CAMK4: variants seen among roughly 807,000 people sequenced by gnomAD.
The protein encoded by CAMK4 is calcium/calmodulin-dependent protein kinase type IV.
In CAMK4, 22 loss-of-function variants were observed where a neutral mutation model predicts 44.9. That is an observed-to-expected ratio of 0.49 (90% CI 0.35 to 0.70). The LOEUF is 0.70. Among genes scored for constraint, CAMK4 ranks in the 30% least tolerant of loss-of-function variants. CAMK4 has a pLI of 0.01. For synonymous variants in CAMK4, 218 were observed against 215.4 expected (o/e 1.01, Z -0.11); for missense variants, 498 against 586.8 (o/e 0.85, Z 1.56).
In CAMK4 at chr5:111,485,570, A is replaced by T. The variant is rs1377697994; in HGVS notation, c.*1104A>T. The T allele has an allele frequency of 6.6e-6, 1 of 152,182 alleles. No individual in the cohort carries two copies. 9.4% of individuals were successfully genotyped at this position (152,182 alleles called of 1,614,324 possible). On this transcript the variant is annotated 3_prime_UTR_variant, in exon 11 of 11. Transcript: ENST00000282356. ...ATGGTTATCTACACATATCACTTAT[A>T]AACTAAAGTTATTTATGAAAAGCTA...
At chr5:111,267,532 G>A (rs1561373650) in intron 1 of CAMK4, among the ~76,000 whole-genome samples, 1 of 151,678 alleles carries the variant, frequency 6.6e-6, no homozygotes, top group Non-Finnish European at 1.5e-5. Flanking sequence ...GTGAAACCCC[G>A]TCTCTACTAA....
Position 111,446,760 on chromosome 5 carries a change from T to G in CAMK4, c.534T>G (p.Asp178Glu), listed in dbSNP as rs745528963. 1.9e-6 allele frequency: 3 copies of G among 1,604,710 alleles called. No individual in the cohort carries two copies. Among genetic ancestry groups the G allele is most frequent in the South Asian group, 2.2e-5 (2 of 90,876 alleles). The stretch of plus-strand genomic sequence containing the variant: ...TTCTTTATGCAACTCCAGCCCCAGA[T>G]GCACCACTCAAAATCGGTGAGAACA... ...ENLLYATPAP[D>E]APLKIADFGL... Residue 178 changes from aspartate (D) to glutamate (E), a missense_variant, in exon 6 of 11, where the codon GAT becomes GAG. Coordinates refer to ENST00000282356, the MANE Select transcript of CAMK4 (RefSeq NM_001744.6).
chr5:111,482,716 T>C lies in CAMK4; in HGVS notation c.829-69T>C. 7.7e-7 allele frequency: 1 copy of C among 1,293,622 alleles called. No homozygotes were observed. The highest frequency in any genetic ancestry group is 1.1e-6 in the Non-Finnish European group (1 of 929,158). The allele number at this position is 1,293,622 out of a possible 1,614,324, so 80.1% of individuals were successfully genotyped here. ...GGGAAATGGAATAAGATCTGGAAGT[T>C]TGTAAGCTGAGGGCAAGCCCAGGTC... On this transcript the variant is annotated intron_variant, in intron 9 of 10. Coordinates refer to ENST00000282356, the MANE Select transcript of CAMK4 (RefSeq NM_001744.6). This position sits in a 1 kb window ranked among gnomAD's most constrained non-coding sequence, Gnocchi z 4.9.
At chr5:111,454,761 G>A (rs970477270) in intron 7 of CAMK4, among the ~76,000 whole-genome samples, 1 of 151,902 alleles carries the variant, frequency 6.6e-6, no homozygotes, top group Non-Finnish European at 1.5e-5. Context: ...GATATTTAAG[G>A]CTTGAAGTTT....
Position 111,224,435 on chromosome 5 carries a change from G to C in CAMK4, c.-49G>C, listed in dbSNP as rs1483266001. ...GCGGCTGGCGGCCGGCTTCTCGCTC[G>C]GGCAGCGGCGGCGGCGGCGGCGGCG... On this transcript the variant is annotated 5_prime_UTR_variant, in exon 1 of 11. Transcript: ENST00000282356. The surrounding 1 kb of genome is among the most constrained non-coding windows in gnomAD (Gnocchi z 5.7). 27 of 1,534,378 alleles carry C rather than the reference G, an allele frequency of 1.8e-5. No individual in the cohort carries two copies. The highest frequency in any genetic ancestry group is 6.0e-5 in the Admixed American group (3 of 49,874).
chr5:111,310,591 A>C (rs1350841299), intron 1 of CAMK4, among the ~76,000 whole-genome samples: 1 of 152,138 alleles, frequency 6.6e-6, no homozygotes, highest in Non-Finnish European at 1.5e-5. Context: ...TATATATGTA[A>C]ATACTAAGCC....
chr5:111,422,844 C>G (rs1168174557), intron 5 of CAMK4, among the ~76,000 whole-genome samples: 2 of 152,078 alleles, frequency 1.3e-5, no homozygotes, highest in African/African-American at 4.8e-5. Context: ...GCATTTTATG[C>G]TCAGTTTGTA....
At chr5:111,282,056 C>CAAAAAAA (rs58617977) in intron 1 of CAMK4, among the ~76,000 whole-genome samples, 3 of 112,492 alleles carry the variant, frequency 2.7e-5, no homozygotes, top group African/African-American at 6.3e-5. Context: ...GACTCCGTCT[C>CAAAAAAA]AAAAAAAAAA....
rs116146889 is a variant in CAMK4, at chr5:111,444,927, C to A, written c.460-1759C>A. On this transcript the variant is annotated intron_variant, in intron 5 of 10. Coordinates refer to ENST00000282356, the MANE Select transcript of CAMK4 (RefSeq NM_001744.6). ...AAACTTAAGACACAATCTTTGCACT[C>A]CAGCTCAGCAAAAGTTAAAACTACA... Among the ~76,000 whole-genome samples the A allele has an allele frequency of 1.3e-3, 202 of 152,194 alleles. 1 individual carries two copies. The highest frequency in any genetic ancestry group is 4.7e-3 in the African/African-American group (194 of 41,520).
At chr5:111,310,513 T>TA (rs994423880) in intron 1 of CAMK4, among the ~76,000 whole-genome samples, 4 of 152,146 alleles carry the variant, frequency 2.6e-5, no homozygotes, top group African/African-American at 9.7e-5. Context: ...TGAAAGGTTT[T>TA]AAAAAGAAGA....
In CAMK4 at chr5:111,301,839, T is replaced by C. The variant is rs1747731052; in HGVS notation, c.162-42185T>C. On this transcript the variant is annotated intron_variant, in intron 1 of 10. Coordinates refer to ENST00000282356, the MANE Select transcript of CAMK4 (RefSeq NM_001744.6). ...AACTAAAGTATAAGCCATTGTAGTTTTTTTGCATACTTACTCTTCGGTCAT... is the reference window on the plus strand; with the variant it reads ...AACTAAAGTATAAGCCATTGTAGTTCTTTTGCATACTTACTCTTCGGTCAT... Among the ~76,000 whole-genome samples the C allele has an allele frequency of 2.0e-5, 3 of 152,196 alleles. No individual in the cohort carries two copies. In the South Asian group the frequency reaches 6.2e-4, roughly 31 times the overall value.
intron 5 of CAMK4, among the ~76,000 whole-genome samples, chr5:111,443,575 T>G (rs1753923860): frequency 6.6e-6 from 1 of 151,882 alleles, no homozygotes; most frequent in African/African-American, 2.4e-5. Flanking sequence ...CTAGTTCTCC[T>G]TTATGGAGTG....
intron 1 of CAMK4, among the ~76,000 whole-genome samples, chr5:111,256,632 A>G (rs373638621): frequency 4.6e-5 from 7 of 152,312 alleles, no homozygotes; most frequent in African/African-American, 1.7e-4. Flanking sequence ...TTACCAATCA[A>G]TATCGGTAAT....
At chr5:111,469,159 AAAAAAAAAAAAAAATAT>A (rs1451463604) in intron 7 of CAMK4, among the ~76,000 whole-genome samples, 20 of 85,852 alleles carry the variant, frequency 2.3e-4, no homozygotes, top group African/African-American at 9.4e-4. Context: ...AAAAAAAAAA[AAAAAAAAAAAAAAATAT>A]ATATATATAT....
intron 5 of CAMK4, among the ~76,000 whole-genome samples, chr5:111,439,871 C>G (rs1419059373): frequency 2.6e-5 from 4 of 152,078 alleles, no homozygotes; most frequent in Admixed American, 6.6e-5. Flanking sequence ...CTATGAGAGT[C>G]TGAAGGAGAG....
At chr5:111,330,215 C>A (rs1272142796) in intron 1 of CAMK4, among the ~76,000 whole-genome samples, 1 of 150,112 alleles carries the variant, frequency 6.7e-6, no homozygotes, top group African/African-American at 2.4e-5. Context: ...AAGCAAACAC[C>A]CATAAAAGAA....
At chr5:111,382,178 A>G (rs996937186) in intron 4 of CAMK4, among the ~76,000 whole-genome samples, 1 of 152,130 alleles carries the variant, frequency 6.6e-6, no homozygotes, top group African/African-American at 2.4e-5. Context: ...ATTATTATCC[A>G]TATCTTTCCA....
intron 7 of CAMK4, among the ~76,000 whole-genome samples, chr5:111,471,787 G>A (rs1755075021): frequency 1.3e-5 from 2 of 152,222 alleles, no homozygotes; most frequent in Non-Finnish European, 2.9e-5. Flanking sequence ...CATGATGAGA[G>A]TTAAGGGATA....
At chr5:111,301,655 T>C (rs1747724039) in intron 1 of CAMK4, among the ~76,000 whole-genome samples, 1 of 152,190 alleles carries the variant, frequency 6.6e-6, no homozygotes, top group South Asian at 2.1e-4. Context: ...ATGAATTCTA[T>C]TTTCCCAATT....
Sources: allele counts gnomAD v4.1 joint callset (sites outside exome capture counted in the v4.1 genomes callset), GRCh38; gene constraint gnomAD v4.1.1; non-coding constraint Gnocchi (gnomAD v3.1); transcripts MANE v1.5; gene names NCBI Gene and HGNC (gene_info 2026-07-23, HGNC 2026-07-21).